Variants in PRKN observed in about 807,000 individuals in gnomAD.
The protein encoded by PRKN is E3 ubiquitin-protein ligase parkin.
A neutral mutation model predicts 59.5 loss-of-function variants in PRKN; 56 were observed. The ratio of observed to expected loss-of-function variants is 0.94; its 90% CI spans 0.76 to 1.18. PRKN has a LOEUF of 1.18. Among genes scored for constraint, PRKN ranks in the 50% most tolerant of loss-of-function variants. The pLI is 0.00. For missense variants in PRKN, 657 were observed against 596.4 expected, an observed-to-expected ratio of 1.10 and a Z score of -1.06; for synonymous variants, 250 against 222.1, an observed-to-expected ratio of 1.13 and a Z score of -1.12.
At chr6:162,513,685 G>A (rs1390725588) in intron 1 of PRKN, among the ~76,000 whole-genome samples, 1 of 152,158 alleles carries the variant, frequency 6.6e-6, no homozygotes, top group South Asian at 2.1e-4. Flanking sequence ...GGATGGAATA[G>A]CAATTATGAA....
rs1159057404 is a variant in PRKN, at chr6:162,443,441, G to A, written c.40C>T (p.Pro14Ser). 6.2e-7 allele frequency: 1 copy of A among 1,613,986 alleles called. No individual in the cohort carries two copies. Among genetic ancestry groups the A allele is most frequent in the Non-Finnish European group, 8.5e-7 (1 of 1,180,018 alleles). Residue 14 changes from proline (P) to serine (S), a missense_variant, in exon 2 of 12, where the codon CCA (proline) becomes TCA (serine). Physicochemically the swap from Pro to Ser is moderately conservative, Grantham distance 74. Transcript: ENST00000366898. ...CTGGTGTCAGAATCGACCTCCACTG[G>A]GAAACCATGGCTGGAGTTGAACCTG... ...FVRFNSSHGF[P>S]VEVDSDTSIF...
intron 1 of PRKN, among the ~76,000 whole-genome samples, chr6:162,631,253 A>G (rs924072415): frequency 1.4e-4 from 22 of 152,160 alleles, no homozygotes; most frequent in African/African-American, 5.3e-4. Context: ...GTCCATGTGC[A>G]CTCAAATATA....
rs137910751 is a variant in PRKN at position 162,295,599 on chromosome 6, C to A, written c.172-32834G>T. On this transcript the variant is annotated intron_variant, in intron 2 of 11. Coordinates refer to ENST00000366898, the MANE Select transcript of PRKN (RefSeq NM_004562.3). The stretch of plus-strand genomic sequence containing the variant: ...ATTGTCCAATAATTTCAGCAAAATT[C>A]AAAGTATAAAACGGAAGTATTACCT... 2.3e-3 allele frequency among the ~76,000 whole-genome samples: 352 copies of A among 152,268 alleles called. 5 individuals are homozygous for A. The highest frequency in any genetic ancestry group is 8.2e-3 in the African/African-American group (342 of 41,552).
rs112733245 is a variant in PRKN, at chr6:162,709,815, G to C, written c.7+17847C>G. On this transcript the variant is annotated intron_variant, in intron 1 of 11. Transcript: ENST00000366898. ...TAGCTATCTGGAGAAGGAAGGAAAA[G>C]TGTCCAGAGATTGGGTCCAGGAATA... Among the ~76,000 whole-genome samples, 770 of 151,168 alleles carry C rather than the reference G, an allele frequency of 5.1e-3. 7 individuals are homozygous for C. Among genetic ancestry groups the C allele is most frequent in the African/African-American group, 0.017 (702 of 41,224 alleles).
chr6:162,295,121 C>T (rs917218178), intron 2 of PRKN, among the ~76,000 whole-genome samples: 16 of 152,302 alleles, frequency 1.1e-4, no homozygotes, highest in Middle Eastern at 3.4e-3. Context: ...GCGGCATGCA[C>T]GCAGCCTCCC....
chr6:162,420,293 A>G (rs1311593758), intron 2 of PRKN, among the ~76,000 whole-genome samples: 1 of 152,100 alleles, frequency 6.6e-6, no homozygotes, highest in African/African-American at 2.4e-5. Flanking sequence ...GTAAAGCATT[A>G]TGTTTAAAAT....
chr6:161,375,119 G>A lies in PRKN; in HGVS notation c.1167+11675C>T, dbSNP rs114313430. ...GGCCGTGACCCCCACAGGTGAGCGAGCTCAGGGGACCCGCAGGCCATGCCC... is the reference window on the plus strand; with the variant it reads ...GGCCGTGACCCCCACAGGTGAGCGAACTCAGGGGACCCGCAGGCCATGCCC... On this transcript the variant is annotated intron_variant, in intron 10 of 11. Coordinates refer to ENST00000366898, the MANE Select transcript of PRKN (RefSeq NM_004562.3). Among the ~76,000 whole-genome samples, 312 of 151,778 alleles carry A rather than the reference G, an allele frequency of 2.1e-3. 1 individual carries two copies. The highest frequency in any genetic ancestry group is 7.0e-3 in the African/African-American group (290 of 41,406).
intron 5 of PRKN, among the ~76,000 whole-genome samples, chr6:162,031,538 CTTT>C (rs57437847): frequency 1.2e-4 from 17 of 141,202 alleles, no homozygotes; most frequent in Non-Finnish European, 2.1e-4. Flanking sequence ...TTTTCTTTTT[CTTT>C]TTTTTTTTTT....
chr6:162,107,225 G>A (rs1780226319), intron 4 of PRKN, among the ~76,000 whole-genome samples: 1 of 152,220 alleles, frequency 6.6e-6, no homozygotes, highest in Non-Finnish European at 1.5e-5. Flanking sequence ...AGCACTTTGG[G>A]AGGCCAAAGG....
chr6:161,793,132 G>A (rs114404036), intron 6 of PRKN, among the ~76,000 whole-genome samples: 3,806 of 152,252 alleles, frequency 0.025, 158 homozygotes, highest in African/African-American at 0.087. Context: ...AGCCTGCTCC[G>A]AGATACTAAT....
intron 5 of PRKN, among the ~76,000 whole-genome samples, chr6:162,036,536 C>T (rs1446628599): frequency 2.0e-5 from 3 of 151,320 alleles, no homozygotes; most frequent in Non-Finnish European, 2.9e-5. Context: ...CCTGCCACCA[C>T]GCTCGGCTAA....
chr6:162,001,976 A>C (rs2128263243), intron 5 of PRKN, among the ~76,000 whole-genome samples: 1 of 148,718 alleles, frequency 6.7e-6, no homozygotes, highest in African/African-American at 2.5e-5. Flanking sequence ...ATATTAATTG[A>C]TTTTCAAATG....
At chr6:161,600,005 G>A (rs1782051357) in intron 7 of PRKN, among the ~76,000 whole-genome samples, 1 of 152,130 alleles carries the variant, frequency 6.6e-6, no homozygotes, top group Non-Finnish European at 1.5e-5. Context: ...CACCATGTTT[G>A]TTTCTTCAAC....
intron 9 of PRKN, among the ~76,000 whole-genome samples, chr6:161,477,940 T>G (rs1467006497): frequency 6.6e-6 from 1 of 152,198 alleles, no homozygotes; most frequent in African/African-American, 2.4e-5. Flanking sequence ...AAAAGTGGCT[T>G]TAAATCAACA....
chr6:161,370,591 C>CAAAAAAAAAAAAAAAAAAAAAAAA (rs560655971), intron 10 of PRKN, among the ~76,000 whole-genome samples: 1 of 57,836 alleles, frequency 1.7e-5, no homozygotes, highest in African/African-American at 8.5e-5. Context: ...GACTCTGTGT[C>CAAAAAAAAAAAAAAAAAAAAAAAA]AAAAAAAAAA....
At position 162,168,101 on chromosome 6, in the gene PRKN, T is replaced by C. The variant is rs143284269; in HGVS notation, c.534+33030A>G. Among the ~76,000 whole-genome samples the C allele has an allele frequency of 8.7e-3, 1,327 of 152,258 alleles. 20 individuals carry two copies. The highest frequency in any genetic ancestry group is 0.031 in the African/African-American group (1,277 of 41,546). On this transcript the variant is annotated intron_variant, in intron 4 of 11. Coordinates refer to ENST00000366898, the MANE Select transcript of PRKN (RefSeq NM_004562.3). Reference sequence around the variant, plus strand: ...TTGGAGTAAAATTCAAGGGCCATTATAAGAAGTATAAGTCAAATTATAGTA... The same window carrying C: ...TTGGAGTAAAATTCAAGGGCCATTACAAGAAGTATAAGTCAAATTATAGTA...
At chr6:162,170,172 C>A (rs1178747913) in intron 4 of PRKN, among the ~76,000 whole-genome samples, 1 of 152,086 alleles carries the variant, frequency 6.6e-6, no homozygotes, top group African/African-American at 2.4e-5. Flanking sequence ...GTCTCCATAC[C>A]CTTCTGAGGG....
At chr6:162,704,873 A>G (rs947090139) in intron 1 of PRKN, among the ~76,000 whole-genome samples, 1 of 152,212 alleles carries the variant, frequency 6.6e-6, no homozygotes, top group African/African-American at 2.4e-5. Context: ...AAAAATCTAC[A>G]AGAAAAACAG....
chr6:162,283,876 T>C (rs1285080825), intron 2 of PRKN, among the ~76,000 whole-genome samples: 1 of 152,184 alleles, frequency 6.6e-6, no homozygotes, highest in Admixed American at 6.5e-5. Context: ...GTCCTCTATC[T>C]GAAATAAAGA....
Sources: allele counts gnomAD v4.1 joint callset (sites outside exome capture counted in the v4.1 genomes callset), GRCh38; gene constraint gnomAD v4.1.1; transcripts MANE v1.5; gene names NCBI Gene and HGNC (gene_info 2026-07-23, HGNC 2026-07-21).